The following RFX3 variants were observed in gnomAD, a reference collection of about 807,000 sequenced individuals.
The protein encoded by RFX3 is transcription factor RFX3.
RFX3 carries 14 observed loss-of-function variants against 98.6 expected under a neutral mutation model. That is an observed-to-expected ratio of 0.14 (90% CI 0.09 to 0.22). The LOEUF (loss-of-function observed/expected upper bound fraction) is 0.22. RFX3 is among the 10% of genes least tolerant of loss of function. The pLI is 1.00. For synonymous variants in RFX3, 383 were observed against 328.4 expected, an observed-to-expected ratio of 1.17 and a Z score of -1.80; for missense variants, 639 against 926.9, an observed-to-expected ratio of 0.69 and a Z score of 4.03.
At chr9:3,393,362 G>GA (rs1314051045) in intron 2 of RFX3, among the ~76,000 whole-genome samples, 20 of 151,930 alleles carry the variant, frequency 1.3e-4, no homozygotes, top group Non-Finnish European at 1.5e-5. Flanking sequence ...GTAAATATTT[G>GA]ATAATATGTA....
At chr9:3,478,314 G>C (rs1247994169) in intron 1 of RFX3, among the ~76,000 whole-genome samples, 2 of 149,040 alleles carry the variant, frequency 1.3e-5, no homozygotes, top group Non-Finnish European at 3.0e-5. Context: ...TCAGTGTGTT[G>C]TTTTTCTTGA....
At chr9:3,263,517 T>C (rs1228581256) in intron 12 of RFX3, among the ~76,000 whole-genome samples, 1 of 152,200 alleles carries the variant, frequency 6.6e-6, no homozygotes, top group Admixed American at 6.5e-5. Context: ...AAAAGAGATC[T>C]GGACATTCCT....
chr9:3,504,935 A>ATATAATATAATATATATTAT (rs1564185846), intron 1 of RFX3, among the ~76,000 whole-genome samples: 1 of 63,928 alleles, frequency 1.6e-5, no homozygotes, highest in African/African-American at 8.0e-5. Context: ...TATTATATAT[A>ATATAATATAATATATATTAT]ATATATATAA....
intron 1 of RFX3, among the ~76,000 whole-genome samples, chr9:3,500,984 T>A (rs1004732826): frequency 6.6e-6 from 1 of 152,172 alleles, no homozygotes; most frequent in Non-Finnish European, 1.5e-5. Context: ...GGTATGGATA[T>A]CTATATTGGC....
intron 14 of RFX3, among the ~76,000 whole-genome samples, chr9:3,255,917 G>C (rs1298021169): frequency 6.6e-6 from 1 of 151,794 alleles, no homozygotes; most frequent in Non-Finnish European, 1.5e-5. Flanking sequence ...GAATCACCAG[G>C]AGAGCTTTGT....
chr9:3,491,478 A>G (rs571914614), intron 1 of RFX3, among the ~76,000 whole-genome samples: 16 of 152,276 alleles, frequency 1.1e-4, no homozygotes, highest in Non-Finnish European at 2.2e-4. Flanking sequence ...CATGAGTCAA[A>G]CATATCTGCA....
At chr9:3,394,382 G>C (rs1840640170) in intron 2 of RFX3, among the ~76,000 whole-genome samples, 1 of 152,160 alleles carries the variant, frequency 6.6e-6, no homozygotes, top group Non-Finnish European at 1.5e-5. Context: ...AGAATGGTGT[G>C]AACCCGGGAG....
At chr9:3,343,577 T>C (rs936544959) in intron 3 of RFX3, among the ~76,000 whole-genome samples, 2 of 152,192 alleles carry the variant, frequency 1.3e-5, no homozygotes, top group African/African-American at 4.8e-5. Flanking sequence ...TAGCTTATGC[T>C]GAAAAAAATT....
intron 2 of RFX3, among the ~76,000 whole-genome samples, chr9:3,388,420 A>C (rs540578351): frequency 3.4e-4 from 51 of 152,234 alleles, no homozygotes; most frequent in Admixed American, 1.5e-3. Context: ...TTTGACCACA[A>C]GGATAATATG....
chr9:3,346,782 G>C lies in RFX3; in HGVS notation c.118-18C>G, dbSNP rs758931738. On this transcript the variant is annotated intron_variant, in intron 2 of 16. Coordinates refer to ENST00000617270, the MANE Select transcript of RFX3 (RefSeq NM_001282116.2). Reference sequence around the variant, plus strand: ...TGCTGTACCTGAAAAACAAGTATTAGGACCTTGGTAAGAGGTAGGTATGAT... The same window carrying C: ...TGCTGTACCTGAAAAACAAGTATTACGACCTTGGTAAGAGGTAGGTATGAT... 2 of 1,534,706 alleles carry C rather than the reference G, an allele frequency of 1.3e-6. No individual in the cohort carries two copies. The highest frequency in any genetic ancestry group is 2.2e-5 in the South Asian group (2 of 89,398).
At chr9:3,378,359 A>C (rs1204780987) in intron 2 of RFX3, among the ~76,000 whole-genome samples, 1 of 152,198 alleles carries the variant, frequency 6.6e-6, no homozygotes, top group East Asian at 1.9e-4. Context: ...GTTTAAAATC[A>C]GACTACATAA....
chr9:3,303,698 T>C (rs1223825245), intron 4 of RFX3, among the ~76,000 whole-genome samples: 2 of 151,886 alleles, frequency 1.3e-5, no homozygotes, highest in East Asian at 1.9e-4. Flanking sequence ...TGTTATTTTA[T>C]AGTGGTCCTA....
intron 6 of RFX3, among the ~76,000 whole-genome samples, chr9:3,290,729 A>G (rs1176555235): frequency 6.6e-6 from 1 of 152,196 alleles, no homozygotes. Flanking sequence ...ACCTTCAGCA[A>G]TCCAAAAGCT....
chr9:3,481,677 T>C (rs1374438207), intron 1 of RFX3, among the ~76,000 whole-genome samples: 1 of 151,920 alleles, frequency 6.6e-6, no homozygotes, highest in East Asian at 1.9e-4. Context: ...CCATATCCTA[T>C]AATATGAAGA....
intron 2 of RFX3, among the ~76,000 whole-genome samples, chr9:3,349,293 A>T (rs189568972): frequency 1.3e-5 from 2 of 152,138 alleles, no homozygotes; most frequent in Admixed American, 1.3e-4. Context: ...TTGATTATCA[A>T]ATATTGTTTC....
intron 1 of RFX3, among the ~76,000 whole-genome samples, chr9:3,415,289 A>G (rs1842892528): frequency 6.7e-6 from 1 of 149,808 alleles, no homozygotes; most frequent in South Asian, 2.1e-4. Context: ...ATCATGATTC[A>G]CTGCAGCCTC....
chr9:3,244,745 T>C (rs1160535389), intron 15 of RFX3, among the ~76,000 whole-genome samples: 1 of 152,228 alleles, frequency 6.6e-6, no homozygotes, highest in African/African-American at 2.4e-5. Flanking sequence ...CCTCAAGCTT[T>C]AAGCATTCTT....
rs372471615 is a variant in RFX3 at position 3,459,446 on chromosome 9, G to C, written c.-8-63850C>G. ...CAAGATCCTACTGATTAAATTCTGA[G>C]AATAAAGGACTGGAAAACATAAAAT... On this transcript the variant is annotated intron_variant, in intron 1 of 16. Coordinates refer to ENST00000617270, the MANE Select transcript of RFX3 (RefSeq NM_001282116.2). 3.1e-4 allele frequency among the ~76,000 whole-genome samples: 47 copies of C among 152,026 alleles called. No individual in the cohort carries two copies. In the East Asian group the frequency reaches 6.4e-3, roughly 21 times the overall value.
chr9:3,370,849 G>C (rs1837762063), intron 2 of RFX3, among the ~76,000 whole-genome samples: 1 of 152,084 alleles, frequency 6.6e-6, no homozygotes, highest in South Asian at 2.1e-4. Flanking sequence ...ATGTGTCTAT[G>C]ATGTGGGGTG....
Sources: allele counts gnomAD v4.1 joint callset (sites outside exome capture counted in the v4.1 genomes callset), GRCh38; gene constraint gnomAD v4.1.1; transcripts MANE v1.5; gene names NCBI Gene and HGNC (gene_info 2026-07-23, HGNC 2026-07-21).